Variants in HTR1F observed in about 807,000 individuals in gnomAD.
The protein encoded by HTR1F is 5-hydroxytryptamine (serotonin) receptor 1F, G protein-coupled.
HTR1F carries 17 observed loss-of-function variants against 24.0 expected under a neutral mutation model. The ratio of observed to expected loss-of-function variants is 0.71; its 90% confidence interval spans 0.48 to 1.06. The LOEUF (loss-of-function observed/expected upper bound fraction) is 1.06. Among genes scored for constraint, HTR1F ranks in the 50% least tolerant of loss-of-function variants. HTR1F has a pLI of 0.00. For missense variants in HTR1F, 391 were observed against 427.8 expected (o/e 0.91, Z 0.76); for synonymous variants, 186 against 156.8 (o/e 1.19, Z -1.39).
intron 2 of HTR1F, among the ~76,000 whole-genome samples, chr3:87,831,334 ATTATT>A (rs1704574148): frequency 7.2e-4 from 7 of 9,742 alleles, no homozygotes; most frequent in African/African-American, 2.6e-3. Flanking sequence ...TTAAGAAATT[ATTATT>A]ATTATTATTA....
intron 2 of HTR1F, among the ~76,000 whole-genome samples, chr3:87,904,028 A>C (rs542634143): frequency 6.6e-5 from 10 of 152,310 alleles, no homozygotes; most frequent in Non-Finnish European, 7.3e-5. Context: ...CTAAAACTAA[A>C]AAGAATATCC....
At chr3:87,866,820 G>A (rs762697155) in intron 2 of HTR1F, among the ~76,000 whole-genome samples, 8 of 68,754 alleles carry the variant, frequency 1.2e-4, no homozygotes, top group Admixed American at 2.3e-4. Context: ...GTGTGCGTGC[G>A]TGTGTGTGTG....
Position 87,892,601 on chromosome 3 carries a change from A to C in HTR1F, c.-43+70477A>C, listed in dbSNP as rs184339498. ...GGAGACAACATCTATAAAGCTACCC[A>C]GTATACTTTTAGGCACATGGTAGGT... On this transcript the variant is annotated intron_variant, in intron 2 of 2. Coordinates refer to ENST00000319595, the MANE Select transcript of HTR1F (RefSeq NM_001322209.2). 2.1e-3 allele frequency among the ~76,000 whole-genome samples: 318 copies of C among 152,282 alleles called. 1 individual carries two copies. The highest frequency in any genetic ancestry group is 6.8e-3 in the Middle Eastern group (2 of 294).
chr3:87,863,765 C>A (rs1020343986), intron 2 of HTR1F, among the ~76,000 whole-genome samples: 12 of 152,248 alleles, frequency 7.9e-5, no homozygotes, highest in African/African-American at 2.9e-4. Context: ...ACTGCCAGTA[C>A]AAAAATCTGT....
At chr3:87,922,815 C>T (rs952435679) in intron 2 of HTR1F, among the ~76,000 whole-genome samples, 1 of 150,332 alleles carries the variant, frequency 6.7e-6, no homozygotes, top group Non-Finnish European at 1.5e-5. Context: ...ATTTATCTGT[C>T]CATTGGCTGT....
chr3:87,893,656 A>G (rs944767553), intron 2 of HTR1F, among the ~76,000 whole-genome samples: 4 of 152,242 alleles, frequency 2.6e-5, no homozygotes, highest in Non-Finnish European at 5.9e-5. Context: ...AAATAACCTT[A>G]TCCATGCCAA....
chr3:87,832,211 T>C (rs1347449738), intron 2 of HTR1F, among the ~76,000 whole-genome samples: 2 of 151,822 alleles, frequency 1.3e-5, no homozygotes, highest in Non-Finnish European at 2.9e-5. Context: ...AGAGAATTTA[T>C]AAAAGTACTT....
intron 2 of HTR1F, among the ~76,000 whole-genome samples, chr3:87,979,589 A>G (rs2880801): frequency 0.59 from 89,541 of 152,046 alleles, 26,717 homozygotes; most frequent in South Asian, 0.73. Context: ...TTAGGTTGTC[A>G]CTTTTCCAGT....
intron 2 of HTR1F, among the ~76,000 whole-genome samples, chr3:87,891,710 T>G (rs926892670): frequency 6.6e-6 from 1 of 152,232 alleles, no homozygotes; most frequent in African/African-American, 2.4e-5. Flanking sequence ...GATTGATACT[T>G]CGTTGTTTCT....
intron 2 of HTR1F, among the ~76,000 whole-genome samples, chr3:87,830,203 G>A (rs951505376): frequency 6.6e-6 from 1 of 152,068 alleles, no homozygotes; most frequent in South Asian, 2.1e-4. Context: ...GAGTCTATGA[G>A]CCCCTTGAAA....
chr3:87,943,644 C>A (rs186684293), intron 2 of HTR1F, among the ~76,000 whole-genome samples: 1 of 152,308 alleles, frequency 6.6e-6, no homozygotes, highest in East Asian at 1.9e-4. Context: ...ATAAATCACA[C>A]TTTTTACATA....
chr3:87,971,523 C>T (rs1165798772), intron 2 of HTR1F, among the ~76,000 whole-genome samples: 1 of 151,950 alleles, frequency 6.6e-6, no homozygotes, highest in Non-Finnish European at 1.5e-5. Flanking sequence ...CATGCCACTG[C>T]ACTACAGCCT....
Position 87,871,389 on chromosome 3 carries a change from A to G in HTR1F, c.-43+49265A>G, listed in dbSNP as rs576915995. 1.8e-4 allele frequency among the ~76,000 whole-genome samples: 28 copies of G among 152,126 alleles called. No individual in the cohort carries two copies. In the South Asian group the frequency reaches 5.6e-3, roughly 30 times the overall value. ...GAAAAGCAAAAAGAAAAAAGAATGAAGAAAAGCCTATGGGACTTATGGGGT... is the reference window on the plus strand; with the variant it reads ...GAAAAGCAAAAAGAAAAAAGAATGAGGAAAAGCCTATGGGACTTATGGGGT... On this transcript the variant is annotated intron_variant, in intron 2 of 2. Transcript: ENST00000319595.
intron 2 of HTR1F, among the ~76,000 whole-genome samples, chr3:87,988,947 T>C (rs1705742003): frequency 6.6e-6 from 1 of 152,100 alleles, no homozygotes; most frequent in Admixed American, 6.6e-5. Context: ...AAGTACTTGA[T>C]ATAAAAATTA....
intron 2 of HTR1F, among the ~76,000 whole-genome samples, chr3:87,969,997 T>C (rs190854767): frequency 1.3e-5 from 2 of 152,318 alleles, no homozygotes; most frequent in East Asian, 3.9e-4. Context: ...ACATGGCTTT[T>C]GCCTTCTGCC....
chr3:87,891,873 C>T (rs1503429), intron 2 of HTR1F, among the ~76,000 whole-genome samples: 28,690 of 152,058 alleles, frequency 0.19, 3,553 homozygotes, highest in African/African-American at 0.36. Context: ...TTTATAATCA[C>T]CACTGTAATT....
intron 2 of HTR1F, among the ~76,000 whole-genome samples, chr3:87,883,172 G>A (rs1705848596): frequency 6.6e-6 from 1 of 152,190 alleles, no homozygotes; most frequent in South Asian, 2.1e-4. Flanking sequence ...TGCTACCCAG[G>A]CAAACAGGGT....
chr3:87,945,864 G>GGGA (rs967759214), intron 2 of HTR1F, among the ~76,000 whole-genome samples: 26 of 152,120 alleles, frequency 1.7e-4, no homozygotes, highest in African/African-American at 6.3e-4. Context: ...GTTACCGGGG[G>GGGA]GGTCCTTGCT....
At chr3:87,914,499 G>C (rs963554599) in intron 2 of HTR1F, among the ~76,000 whole-genome samples, 3 of 152,052 alleles carry the variant, frequency 2.0e-5, no homozygotes, top group Non-Finnish European at 4.4e-5. Context: ...AGTGCTGTTA[G>C]AGGGGGCACG....
Sources: allele counts gnomAD v4.1 joint callset (sites outside exome capture counted in the v4.1 genomes callset), GRCh38; gene constraint gnomAD v4.1.1; transcripts MANE v1.5; gene names NCBI Gene and HGNC (gene_info 2026-07-23, HGNC 2026-07-21).